Variants in CYFIP2 observed in about 807,000 individuals in gnomAD.
CYFIP2 encodes cytoplasmic FMR1 interacting protein 2.
A neutral mutation model predicts 158.7 loss-of-function variants in CYFIP2; 29 were observed. The ratio of observed to expected loss-of-function variants is 0.18; its 90% CI spans 0.14 to 0.25. The LOEUF (loss-of-function observed/expected upper bound fraction) is 0.25, where lower values mean the gene tolerates loss of function less well. Among genes scored for constraint, CYFIP2 ranks in the 10% least tolerant of loss-of-function variants. The pLI, the probability that CYFIP2 is intolerant of heterozygous loss-of-function variation, is 1.00. For missense variants in CYFIP2, 852 were observed against 1,639.5 expected, an observed-to-expected ratio of 0.52 and a Z score of 8.29; for synonymous variants, 585 against 617.6, an observed-to-expected ratio of 0.95 and a Z score of 0.78.
intron 23 of CYFIP2, among the ~76,000 whole-genome samples, chr5:157,352,712 A>T (rs1050827015): frequency 6.6e-6 from 1 of 152,162 alleles, no homozygotes; most frequent in Non-Finnish European, 1.5e-5. Flanking sequence ...TCCCAAAGAC[A>T]TCAGGTCCTA....
At chr5:157,323,630 G>A (rs1760783699) in intron 15 of CYFIP2, among the ~76,000 whole-genome samples, 4 of 152,176 alleles carry the variant, frequency 2.6e-5, no homozygotes, top group South Asian at 4.1e-4. Context: ...AGGGTGACAC[G>A]TAATGAGGTT....
chr5:157,330,278 G>A (rs1056668127), intron 19 of CYFIP2, among the ~76,000 whole-genome samples: 1 of 141,654 alleles, frequency 7.1e-6, no homozygotes, highest in East Asian at 2.1e-4. Context: ...GTGTGTGTGT[G>A]TGTGTGTTTG....
chr5:157,333,450 A>G lies in CYFIP2; in HGVS notation c.2385+4A>G. Reference sequence around the variant, plus strand: ...TGAGGACCTGACCTCCATTGTGGTAAGAGTCTGGGAGCGTGTGGGATTTCT... The same window carrying G: ...TGAGGACCTGACCTCCATTGTGGTAGGAGTCTGGGAGCGTGTGGGATTTCT... On this transcript the variant is annotated splice_donor_region_variant and intron_variant, in intron 21 of 30. Transcript: ENST00000620254. 6.2e-7 allele frequency: 1 copy of G among 1,613,918 alleles called. No individual in the cohort carries two copies. Among genetic ancestry groups the G allele is most frequent in the Non-Finnish European group, 8.5e-7 (1 of 1,179,824 alleles).
intron 1 of CYFIP2, among the ~76,000 whole-genome samples, chr5:157,274,880 T>C (rs1191190640): frequency 6.6e-6 from 1 of 152,238 alleles, no homozygotes; most frequent in Admixed American, 6.5e-5. Flanking sequence ...TTGCCTATTT[T>C]TAAAATCAGG....
intron 26 of CYFIP2, among the ~76,000 whole-genome samples, chr5:157,366,037 T>C (rs1028159194): frequency 2.0e-5 from 3 of 152,184 alleles, no homozygotes; most frequent in African/African-American, 7.2e-5. Context: ...TTAGGTTAGC[T>C]TCAAAGCAGT....
Position 157,294,830 on chromosome 5 carries a change from C to A in CYFIP2, c.255C>A (p.Thr85=). ...ATGAGTATGCGGTCATGCTGTACAC[C>A]TGGCGCAGCTGTTCCCGGGCCATTC... The part of the protein sequence containing the change: ...EGHEYAVMLY[T]WRSCSRAIPQ... Residue 85 remains threonine (T), a synonymous_variant, in exon 4 of 31, where the codon ACC becomes ACA. Transcript: ENST00000620254. 3 of 1,613,770 alleles carry A rather than the reference C, an allele frequency of 1.9e-6. No individual in the cohort carries two copies. In the South Asian group the frequency reaches 3.3e-5, roughly 18 times the overall value.
chr5:157,384,331 G>A (rs1236894096), intron 28 of CYFIP2: 1 of 456,662 alleles, frequency 2.2e-6, no homozygotes, highest in Non-Finnish European at 4.4e-6. Flanking sequence ...CACATTTTGG[G>A]GGCAGGCAGG....
rs865831874 is a variant in CYFIP2, at chr5:157,314,590, C to A, written c.1230+127C>A. On this transcript the variant is annotated intron_variant, in intron 12 of 30. Coordinates refer to ENST00000620254, the MANE Select transcript of CYFIP2 (RefSeq NM_001037333.3). ...CAATTCACGTACCATACGATTTACC[C>A]ATTTAAAGTATAAGTTCATTGGTTT... is the stretch of plus-strand genomic sequence containing the variant. 1.2e-5 allele frequency: 16 copies of A among 1,315,420 alleles called. No individual in the cohort carries two copies. The Middle Eastern group carries it at 7.8e-4, about 64-fold the overall frequency. The allele number at this position is 1,315,420 out of a possible 1,614,324, so 81.5% of individuals were successfully genotyped here. A position where few individuals can be genotyped will look rare whatever the true frequency, so the allele number is the denominator to read the frequency against.
intron 21 of CYFIP2, 45 bp from the exon 22 acceptor site, chr5:157,339,012 C>T (rs1258580872): frequency 6.5e-7 from 1 of 1,548,608 alleles, no homozygotes; most frequent in Non-Finnish European, 8.8e-7. Flanking sequence ...ACATGTAATG[C>T]TTACAAGCAA....
chr5:157,291,782 T>G, intron 3 of CYFIP2, among the ~76,000 whole-genome samples: 1 of 152,264 alleles, frequency 6.6e-6, no homozygotes, highest in East Asian at 1.9e-4. Flanking sequence ...ATAAGTAAAT[T>G]GATCTGCTGT....
At chr5:157,387,490 C>A (rs1581206357) in intron 28 of CYFIP2, among the ~76,000 whole-genome samples, 1 of 152,146 alleles carries the variant, frequency 6.6e-6, no homozygotes, top group African/African-American at 2.4e-5. Context: ...AATTAGTAAA[C>A]CAGAACTTTG....
intron 30 of CYFIP2, 74 bp downstream of exon 30, chr5:157,390,742 A>G: frequency 1.3e-5 from 20 of 1,544,754 alleles, no homozygotes; most frequent in Non-Finnish European, 1.7e-5. Context: ...AAAAGCAAAC[A>G]AGGAGGAGCT....
chr5:157,395,533 C>A lies in CYFIP2; in HGVS notation c.*2533C>A, dbSNP rs1347659199. On this transcript the variant is annotated 3_prime_UTR_variant, in exon 31 of 31. Transcript: ENST00000620254. ...TATTTTGATTTGTATTTTGGGGGTA[C>A]CTGTGTTGAGTTGATAAACATTTCC... 1 of 910,430 alleles carries A rather than the reference C, an allele frequency of 1.1e-6. No individual in the cohort carries two copies. Among genetic ancestry groups the A allele is most frequent in the Non-Finnish European group, 1.5e-6 (1 of 645,364 alleles). 56.4% of individuals were successfully genotyped at this position (910,430 alleles called of 1,614,324 possible). A position where few individuals can be genotyped will look rare whatever the true frequency, so the allele number is the denominator to read the frequency against.
chr5:157,281,868 C>T (rs971557775), intron 1 of CYFIP2, among the ~76,000 whole-genome samples: 2 of 152,006 alleles, frequency 1.3e-5, no homozygotes, highest in African/African-American at 2.4e-5. Flanking sequence ...TATGGCTTGC[C>T]TTTCCATTGT....
At chr5:157,291,849 T>G (rs1386463277) in intron 3 of CYFIP2, among the ~76,000 whole-genome samples, 1 of 152,252 alleles carries the variant, frequency 6.6e-6, no homozygotes, top group Non-Finnish European at 1.5e-5. Flanking sequence ...AAAGTTCATT[T>G]TTTAATATAG....
At chr5:157,307,015 A>G (rs1759286902) in intron 8 of CYFIP2, among the ~76,000 whole-genome samples, 2 of 152,112 alleles carry the variant, frequency 1.3e-5, no homozygotes, top group South Asian at 4.1e-4. Context: ...TCTCATGGTC[A>G]CACAGCTGCT....
rs750962795 is a variant in CYFIP2 at position 157,361,427 on chromosome 5, C to T, written c.2909-41C>T. ...ATTGTTTCCCATAGACCCTACTGAG[C>T]AGTGTCAACTTCCCACTGACCACCC... On this transcript the variant is annotated intron_variant, in intron 25 of 30. Coordinates refer to ENST00000620254, the MANE Select transcript of CYFIP2 (RefSeq NM_001037333.3). This position sits in a 1 kb window ranked among gnomAD's most constrained non-coding sequence, Gnocchi z 4.4. 5 of 1,612,184 alleles carry T rather than the reference C, an allele frequency of 3.1e-6. No homozygotes were observed. In the East Asian group the frequency reaches 6.7e-5, roughly 22 times the overall value.
chr5:157,385,436 C>T (rs534719936), intron 28 of CYFIP2, among the ~76,000 whole-genome samples: 220 of 152,242 alleles, frequency 1.4e-3, no homozygotes, highest in African/African-American at 5.1e-3. Context: ...ACAGGGTACT[C>T]GTAAGATATC....
intron 23 of CYFIP2, chr5:157,343,408 A>G (rs766014703): frequency 3.1e-6 from 5 of 1,614,102 alleles, no homozygotes; most frequent in Non-Finnish European, 3.4e-6. Flanking sequence ...TGTAGCGAAG[A>G]TAGCCAGAGA....
Sources: gnomAD v4.1 joint callset for allele counts (sites outside exome capture counted in the v4.1 genomes callset) on GRCh38, gnomAD v4.1.1 for gene constraint, Gnocchi (gnomAD v3.1) non-coding constraint, MANE v1.5 for transcripts, NCBI Gene and HGNC (gene_info 2026-07-23, HGNC 2026-07-21) for gene names.